The following RUNX2 variants were observed in gnomAD, a reference collection of about 807,000 sequenced individuals.
RUNX2 encodes RUNX family transcription factor 2.
In RUNX2, 10 loss-of-function variants were observed where a neutral mutation model predicts 51.7. That is an observed-to-expected ratio of 0.19 (90% confidence interval 0.12 to 0.33). The LOEUF (loss-of-function observed/expected upper bound fraction) is 0.33. Among genes scored for constraint, RUNX2 ranks in the 10% least tolerant of loss-of-function variants. The pLI is 1.00. For synonymous variants in RUNX2, 276 were observed against 273.6 expected, an observed-to-expected ratio of 1.01 and a Z score of -0.09; for missense variants, 562 against 691.3, an observed-to-expected ratio of 0.81 and a Z score of 2.10.
chr6:45,446,921 G>A (rs1799014471), intron 5 of RUNX2, among the ~76,000 whole-genome samples: 1 of 152,190 alleles, frequency 6.6e-6, no homozygotes, highest in African/African-American at 2.4e-5. Context: ...ATAAAAGACT[G>A]TGTTTGTAAG....
intron 2 of RUNX2, among the ~76,000 whole-genome samples, chr6:45,353,360 T>C (rs1346998272): frequency 6.6e-6 from 1 of 152,062 alleles, no homozygotes; most frequent in African/African-American, 2.4e-5. Flanking sequence ...AGAAAAGTTA[T>C]GCGGATGGAC....
At chr6:45,435,763 C>A (rs1219541021) in intron 4 of RUNX2, among the ~76,000 whole-genome samples, 1 of 152,222 alleles carries the variant, frequency 6.6e-6, no homozygotes, top group Admixed American at 6.5e-5. Context: ...GACTCTGAAA[C>A]ACAGCCATGG....
At chr6:45,422,502 C>T in intron 2 of RUNX2, 91 bp from the exon 3 acceptor site, 3 of 924,706 alleles carry the variant, frequency 3.2e-6, no homozygotes, top group South Asian at 1.5e-5. Flanking sequence ...CTTCACCCCC[C>T]CAATTTCCTC....
At chr6:45,422,389 G>T in intron 2 of RUNX2, 1 of 568,756 alleles carries the variant, frequency 1.8e-6, no homozygotes, top group Admixed American at 2.9e-5. Flanking sequence ...CGCATCGCCA[G>T]ACTCTGTTGG....
chr6:45,462,325 A>G (rs576098418), intron 5 of RUNX2, among the ~76,000 whole-genome samples: 13 of 152,306 alleles, frequency 8.5e-5, no homozygotes, highest in African/African-American at 3.1e-4. Flanking sequence ...ACTCAACATT[A>G]AGCTGATGGG....
Position 45,422,818 on chromosome 6 carries a change from C to A in RUNX2, c.284C>A (p.Pro95Gln), listed in dbSNP as rs1386843651. The A allele has an allele frequency of 6.3e-7, 1 of 1,594,202 alleles. No individual in the cohort carries two copies. Among genetic ancestry groups the A allele is most frequent in the South Asian group, 1.1e-5 (1 of 89,090 alleles). The part of the protein sequence containing the change: ...AAAAAVPRLR[P>Q]PHDNRTMVEI... ...GCAGCTGCAGTGCCCCGGTTGCGGC[C>A]GCCCCACGACAACCGCACCATGGTG... is the stretch of plus-strand genomic sequence containing the variant. Residue 95 changes from proline (P) to glutamine (Q), a missense_variant, in exon 3 of 9, where the codon CCG (proline) becomes CAG (glutamine). Transcript: ENST00000647337.
chr6:45,457,907 G>A (rs1799361379), intron 5 of RUNX2, among the ~76,000 whole-genome samples: 1 of 152,088 alleles, frequency 6.6e-6, no homozygotes, highest in Admixed American at 6.5e-5. Context: ...AAATGCATTT[G>A]TCTGGTTAAT....
chr6:45,444,265 G>A (rs945821563), intron 5 of RUNX2, among the ~76,000 whole-genome samples: 2 of 152,158 alleles, frequency 1.3e-5, no homozygotes, highest in African/African-American at 2.4e-5. Flanking sequence ...TTTGTGTGTC[G>A]GGTCTCAGGT....
intron 8 of RUNX2, among the ~76,000 whole-genome samples, chr6:45,545,697 T>C (rs1341732812): frequency 6.6e-6 from 1 of 152,214 alleles, no homozygotes; most frequent in Non-Finnish European, 1.5e-5. Flanking sequence ...GGGAACAATA[T>C]CTTAACAAGA....
chr6:45,546,683 T>G, intron 8 of RUNX2, 144 bp from the exon 9 acceptor site: 1 of 705,116 alleles, frequency 1.4e-6, no homozygotes, highest in South Asian at 1.7e-5. Context: ...GTAAAGTGAC[T>G]GGTGCATTTG....
intron 6 of RUNX2, among the ~76,000 whole-genome samples, chr6:45,510,725 A>G (rs1801116545): frequency 6.6e-6 from 1 of 151,722 alleles, no homozygotes; most frequent in Non-Finnish European, 1.5e-5. Flanking sequence ...AACTTACCCT[A>G]TGTCACCCAG....
At chr6:45,371,974 G>A in intron 2 of RUNX2, 1 of 836,538 alleles carries the variant, frequency 1.2e-6, no homozygotes, top group Non-Finnish European at 1.4e-6. Context: ...TAAAACTGAG[G>A]TCCCCCGACA....
intron 3 of RUNX2, among the ~76,000 whole-genome samples, chr6:45,426,999 C>A (rs887130344): frequency 1.3e-5 from 2 of 151,892 alleles, no homozygotes; most frequent in South Asian, 2.1e-4. Context: ...CCTTATTAAC[C>A]GTAATATAAA....
chr6:45,422,351 GTC>G, intron 2 of RUNX2: 1 of 501,038 alleles, frequency 2.0e-6, no homozygotes, highest in South Asian at 2.5e-5. Flanking sequence ...CGCCTCCCGG[GTC>G]TCCCTACCCG....
chr6:45,410,546 C>A (rs1797928032), intron 2 of RUNX2, among the ~76,000 whole-genome samples: 2 of 152,256 alleles, frequency 1.3e-5, no homozygotes, highest in Middle Eastern at 3.4e-3. Flanking sequence ...ACTGTGGGGG[C>A]TATCTAGGGA....
chr6:45,365,314 G>A (rs542517982), intron 2 of RUNX2: 60 of 1,572,488 alleles, frequency 3.8e-5, no homozygotes, highest in Middle Eastern at 1.7e-4. Context: ...AAATAAAAAG[G>A]AGAAATAAAG....
At chr6:45,534,988 T>A (rs1286509416) in intron 7 of RUNX2, among the ~76,000 whole-genome samples, 1 of 152,108 alleles carries the variant, frequency 6.6e-6, no homozygotes, top group Non-Finnish European at 1.5e-5. Flanking sequence ...AACTAATGCA[T>A]GAACAGAAAA....
intron 7 of RUNX2, among the ~76,000 whole-genome samples, chr6:45,519,957 A>G (rs1439009322): frequency 6.6e-6 from 1 of 151,678 alleles, no homozygotes; most frequent in African/African-American, 2.4e-5. Context: ...CCTCCCGATT[A>G]CAGACTGGGA....
intron 5 of RUNX2, among the ~76,000 whole-genome samples, chr6:45,439,828 G>A (rs953940040): frequency 6.6e-6 from 1 of 152,184 alleles, no homozygotes; most frequent in African/African-American, 2.4e-5. Context: ...AGGCAGGGTA[G>A]CTTTGGAAAA....
Sources: gnomAD v4.1 joint callset for allele counts (sites outside exome capture counted in the v4.1 genomes callset) on GRCh38, gnomAD v4.1.1 for gene constraint, MANE v1.5 for transcripts, NCBI Gene and HGNC (gene_info 2026-07-23, HGNC 2026-07-21) for gene names.